EZH2: variants seen among roughly 807,000 people sequenced by gnomAD.
EZH2 encodes histone-lysine N-methyltransferase EZH2.
In EZH2, 18 loss-of-function variants were observed where a neutral mutation model predicts 98.4. That is an observed-to-expected ratio of 0.18 (90% CI 0.13 to 0.27). The LOEUF is 0.27. Ranked by LOEUF, EZH2 falls within the 10% of genes least tolerant of loss-of-function variation. The pLI is 1.00. For missense variants in EZH2, 470 were observed against 935.1 expected (o/e 0.50, Z 6.49); for synonymous variants, 338 against 312.3 (o/e 1.08, Z -0.87).
At chr7:148,850,463 T>A in intron 1 of EZH2, 1 of 967,870 alleles carries the variant, frequency 1.0e-6, no homozygotes, top group Non-Finnish European at 1.2e-6. Flanking sequence ...CCTAATAAAG[T>A]ATATCATGAA....
chr7:148,831,856 T>C (rs921568036), intron 4 of EZH2, among the ~76,000 whole-genome samples: 8 of 152,224 alleles, frequency 5.3e-5, no homozygotes, highest in Admixed American at 3.3e-4. Flanking sequence ...CAAGAACACA[T>C]GCTTCAGTTT....
intron 1 of EZH2, among the ~76,000 whole-genome samples, chr7:148,863,189 G>A (rs58696245): frequency 0.02 from 3,062 of 151,650 alleles, 91 homozygotes; most frequent in African/African-American, 0.07. Context: ...GACATCATAC[G>A]AATCCGAAGT....
intron 8 of EZH2, 48 bp downstream of exon 8, chr7:148,826,406 C>G: frequency 7.1e-7 from 1 of 1,418,014 alleles, no homozygotes; most frequent in Non-Finnish European, 9.4e-7. Flanking sequence ...ACTCTCCAAG[C>G]TGCTTTAAAA....
chr7:148,844,730 A>C (rs966988742), intron 3 of EZH2, among the ~76,000 whole-genome samples: 1 of 152,242 alleles, frequency 6.6e-6, no homozygotes, highest in Admixed American at 6.5e-5. Flanking sequence ...ATTTGTCTCC[A>C]TTTGACAAAA....
intron 1 of EZH2, among the ~76,000 whole-genome samples, chr7:148,850,168 G>A (rs1013388850): frequency 4.6e-5 from 7 of 152,102 alleles, no homozygotes; most frequent in African/African-American, 9.6e-5. Flanking sequence ...ACCGGTGCCC[G>A]CCACCACGCC....
At chr7:148,836,685 T>TA in intron 3 of EZH2, 3 of 382,308 alleles carry the variant, frequency 7.8e-6, no homozygotes, top group South Asian at 6.3e-5. Flanking sequence ...ACAAGGAAGT[T>TA]AGAGATGATT....
In EZH2 at chr7:148,852,562, TGCAATGCTAGGACAA is replaced by T. The variant is rs369697928; in HGVS notation, c.-7-5272_-7-5258del. On this transcript the variant is annotated intron_variant, in intron 1 of 19. Transcript: ENST00000320356. ...GTCACAGTGAAAATCTCAGGTTTCCTGCAATGCTAGGACAAGAATGCTCACTCTTCTCCCCTTAGG... is the reference window on the plus strand; with the variant it reads ...GTCACAGTGAAAATCTCAGGTTTCCTGAATGCTCACTCTTCTCCCCTTAGG... Among the ~76,000 whole-genome samples, 917 of 152,274 alleles carry T rather than the reference TGCAATGCTAGGACAA, an allele frequency of 6.0e-3. 11 individuals are homozygous for T. Among genetic ancestry groups the T allele is most frequent in the African/African-American group, 0.021 (884 of 41,542 alleles).
chr7:148,854,933 T>C (rs901111036), intron 1 of EZH2, among the ~76,000 whole-genome samples: 10 of 152,228 alleles, frequency 6.6e-5, no homozygotes, highest in Admixed American at 2.6e-4. Flanking sequence ...CTTAGACATA[T>C]AGATGTTAAA....
At chr7:148,829,904 A>T in intron 4 of EZH2, 56 bp from the exon 5 acceptor site, 2 of 1,319,240 alleles carry the variant, frequency 1.5e-6, no homozygotes, top group South Asian at 2.7e-5. Context: ...CAAATGTGAA[A>T]TAACTAAAAT....
chr7:148,880,604 A>T (rs1563082249), intron 1 of EZH2, among the ~76,000 whole-genome samples: 1 of 152,224 alleles, frequency 6.6e-6, no homozygotes. Context: ...ACTAGGAAAA[A>T]CTTGGAACTT....
chr7:148,854,929 C>T (rs1316999006), intron 1 of EZH2, among the ~76,000 whole-genome samples: 1 of 152,154 alleles, frequency 6.6e-6, no homozygotes. Flanking sequence ...AGAACTTAGA[C>T]ATATAGATGT....
rs1215489193 is a variant in EZH2, at chr7:148,813,181, G to A, written c.1851+778C>T. On this transcript the variant is annotated intron_variant, in intron 15 of 19. Coordinates refer to ENST00000320356, the MANE Select transcript of EZH2 (RefSeq NM_004456.5). ...GGGTTTCCTTACCCGTAAAATGGGG[G>A]TTAACACTTACTCCTCACTCACAGG... 1.1e-4 allele frequency among the ~76,000 whole-genome samples: 16 copies of A among 152,026 alleles called. 2 individuals are homozygous for A. The East Asian group carries it at 3.1e-3, about 29-fold the overall frequency.
intron 3 of EZH2, among the ~76,000 whole-genome samples, chr7:148,844,325 G>A (rs1394810089): frequency 6.6e-6 from 1 of 152,132 alleles, no homozygotes; most frequent in African/African-American, 2.4e-5. Flanking sequence ...TAGCCCTAAA[G>A]CTTTACGATT....
chr7:148,811,308 G>A (rs1030214820), intron 16 of EZH2, among the ~76,000 whole-genome samples: 23 of 151,980 alleles, frequency 1.5e-4, no homozygotes, highest in African/African-American at 5.3e-4. Flanking sequence ...GCACCACCAC[G>A]CCCGGCTAAT....
At chr7:148,816,892 C>A in intron 11 of EZH2, 114 bp from the exon 12 acceptor site, 1 of 755,314 alleles carries the variant, frequency 1.3e-6, no homozygotes, top group Non-Finnish European at 2.3e-6. Context: ...CTGCTAGATG[C>A]TGGGGATATA....
intron 1 of EZH2, among the ~76,000 whole-genome samples, chr7:148,870,423 C>T (rs908414696): frequency 1.3e-5 from 2 of 152,044 alleles, no homozygotes; most frequent in South Asian, 4.2e-4. Flanking sequence ...AAAGTTCTGG[C>T]CCAATGCAGT....
At chr7:148,826,659 T>G (rs747233115) in intron 7 of EZH2, 27 bp from the exon 8 acceptor site, 13 of 1,441,922 alleles carry the variant, frequency 9.0e-6, no homozygotes, top group Middle Eastern at 1.9e-4. Flanking sequence ...AAAATTTAAG[T>G]AAACATGAAA....
rs372833856 is a variant in EZH2 at position 148,882,973 on chromosome 7, G to C, written c.-8+1191C>G. Among the ~76,000 whole-genome samples, 3 of 152,166 alleles carry C rather than the reference G, an allele frequency of 2.0e-5. No individual in the cohort carries two copies. In the South Asian group the frequency reaches 6.2e-4, roughly 31 times the overall value. On this transcript the variant is annotated intron_variant, in intron 1 of 19. Coordinates refer to ENST00000320356, the MANE Select transcript of EZH2 (RefSeq NM_004456.5). Reference sequence around the variant, plus strand: ...AAACGAGACCAATTAATAAGAAACTGCTAACCGTATAATCTAAACACACAT... The same window carrying C: ...AAACGAGACCAATTAATAAGAAACTCCTAACCGTATAATCTAAACACACAT...
In EZH2 at chr7:148,847,206, C is replaced by A; in HGVS notation, c.93G>T (p.Arg31Ser). ...CCTTTACTTCATCAGCTCGTCTGAA[C>A]CTCTTGAGCTGTCTCAGTCGCATGT... ...SEYMRLRQLK[R>S]FRRADEVKSM... The change falls in exon 2 of 20, where the codon AGG becomes AGT. Residue 31 changes from arginine to serine, a missense_variant. Physicochemically the swap from Arg to Ser is moderately radical, Grantham distance 110. This residue lies in a region of EZH2 where 79 missense variants were observed against 122.1 expected (regional missense o/e 0.65). Coordinates refer to ENST00000320356, the MANE Select transcript of EZH2 (RefSeq NM_004456.5). The A allele has an allele frequency of 6.2e-7, 1 of 1,612,518 alleles. No individual in the cohort carries two copies. The highest frequency in any genetic ancestry group is 8.5e-7 in the Non-Finnish European group (1 of 1,179,528).
Sources: gnomAD v4.1 joint callset for allele counts (sites outside exome capture counted in the v4.1 genomes callset) on GRCh38, gnomAD v4.1.1 for gene constraint, gnomAD v4.1.1 regional missense constraint, MANE v1.5 for transcripts, NCBI Gene and HGNC (gene_info 2026-07-23, HGNC 2026-07-21) for gene names.